The following REST variants were observed in gnomAD, a reference collection of about 807,000 sequenced individuals.
REST encodes RE1-silencing transcription factor.
REST carries 1 observed loss-of-function variant against 30.4 expected under a neutral mutation model. That is an observed-to-expected ratio of 0.03 (90% CI 0.01 to 0.16). REST has a LOEUF of 0.16. Ranked by LOEUF, REST falls within the 10% of genes least tolerant of loss-of-function variation. The pLI, the probability that REST is intolerant of heterozygous loss-of-function variation, is 1.00. For missense variants in REST, 1,259 were observed against 1,329.5 expected, an observed-to-expected ratio of 0.95 and a Z score of 0.82; for synonymous variants, 504 against 451.1, an observed-to-expected ratio of 1.12 and a Z score of -1.49.
chr4:56,916,707 TG>T (rs970510736), intron 2 of REST, among the ~76,000 whole-genome samples: 56 of 152,302 alleles, frequency 3.7e-4, no homozygotes, highest in Admixed American at 3.2e-3. Flanking sequence ...TTATCTGCAG[TG>T]GTATTTAATT....
At position 56,929,870 on chromosome 4, in the gene REST, A is replaced by G; in HGVS notation, c.1012A>G (p.Ser338Gly). 1.2e-6 allele frequency: 2 copies of G among 1,613,880 alleles called. No homozygotes were observed. The highest frequency in any genetic ancestry group is 8.5e-7 in the Non-Finnish European group (1 of 1,179,918). ...GEKPFKCDQC[S>G]YVASNQHEVT... is the part of the protein sequence containing the mutation. ...GAAGCCATTTAAATGTGATCAGTGCAGTTATGTGGCCTCTAATCAACATGA... is the reference window on the plus strand; with the variant it reads ...GAAGCCATTTAAATGTGATCAGTGCGGTTATGTGGCCTCTAATCAACATGA... Residue 338 changes from serine (S) to glycine (G), a missense_variant, in exon 4 of 4, where the codon AGT becomes GGT. Physicochemically the swap from Ser to Gly is moderately conservative, Grantham distance 56. Around this residue, in one of 5 missense-constraint regions of REST, gnomAD observed 125 missense variants for 255.4 expected, o/e 0.49. Transcript: ENST00000309042.
rs1456092970 is a variant in REST, at chr4:56,911,384, A to G, written c.746A>G (p.Lys249Arg). The change falls in exon 2 of 4, where the codon AAG (lysine) becomes AGG (arginine). Residue 249 changes from lysine to arginine, a missense_variant. Around this residue, in one of 5 missense-constraint regions of REST, gnomAD observed 125 missense variants for 255.4 expected, o/e 0.49. Transcript: ENST00000309042. ...GCTGGGGATAATGAGCGAGTCTACAAGTGTATCATTTGCACATACACAACA... is the reference window on the plus strand; with the variant it reads ...GCTGGGGATAATGAGCGAGTCTACAGGTGTATCATTTGCACATACACAACA... ...TRAGDNERVY[K>R]CIICTYTTVS... 2 of 1,614,228 alleles carry G rather than the reference A, an allele frequency of 1.2e-6. No homozygotes were observed. Among genetic ancestry groups the G allele is most frequent in the East Asian group, 2.2e-5 (1 of 44,886 alleles).
At chr4:56,922,901 A>G (rs1720520439) in intron 3 of REST, among the ~76,000 whole-genome samples, 1 of 152,246 alleles carries the variant, frequency 6.6e-6, no homozygotes, top group African/African-American at 2.4e-5. Context: ...CCATTAATAT[A>G]ATGTTAGGTC....
At position 56,911,340 on chromosome 4, in the gene REST, C is replaced by T; in HGVS notation, c.702C>T (p.His234=). Residue 234 remains histidine, a synonymous_variant, in exon 2 of 4, where the codon CAC becomes CAT. Transcript: ENST00000309042. ...ATCGATATGATCACTATACAGCACA[C>T]CTGAAACACCACACCAGAGCTGGGG... The part of the protein sequence containing the change: ...NTNRYDHYTA[H]LKHHTRAGDN... 6.2e-7 allele frequency: 1 copy of T among 1,614,166 alleles called. No individual in the cohort carries two copies. The highest frequency in any genetic ancestry group is 8.5e-7 in the Non-Finnish European group (1 of 1,180,034).
chr4:56,931,318 A>G lies in REST; in HGVS notation c.2460A>G (p.Lys820=). The G allele has an allele frequency of 6.2e-7, 1 of 1,614,120 alleles. No homozygotes were observed. The highest frequency in any genetic ancestry group is 2.2e-5 in the East Asian group (1 of 44,904). ...AAAAGCCTCCTCTCCGAAAAGATAA[A>G]AAGGAAAAGTCTAACATGCAGAGTG... ...ISKKPPLRKD[K]KEKSNMQSER... is the part of the protein sequence containing the mutation. Residue 820 remains lysine (K), a synonymous_variant, in exon 4 of 4, where the codon AAA becomes AAG. Coordinates refer to ENST00000309042, the MANE Select transcript of REST (RefSeq NM_005612.5).
chr4:56,912,114 C>T (rs1417883603), intron 2 of REST, among the ~76,000 whole-genome samples: 6 of 152,180 alleles, frequency 3.9e-5, no homozygotes, highest in African/African-American at 1.4e-4. Context: ...AAGCCTCAAA[C>T]TTTAAAACAT....
chr4:56,911,720 T>G (rs2109525864), intron 2 of REST, 184 bp downstream of exon 2: 1 of 596,100 alleles, frequency 1.7e-6, no homozygotes, highest in East Asian at 2.8e-5. Context: ...AGTAACAATA[T>G]CTAGGTTGGG....
intron 3 of REST, chr4:56,927,717 G>C (rs1466790162): frequency 1.1e-6 from 1 of 889,906 alleles, no homozygotes; most frequent in Non-Finnish European, 1.5e-6. Flanking sequence ...TGGGGGTGGG[G>C]GTTCTGGTTT....
intron 3 of REST, among the ~76,000 whole-genome samples, chr4:56,927,227 G>A (rs1720753500): frequency 6.6e-6 from 1 of 152,150 alleles, no homozygotes; most frequent in South Asian, 2.1e-4. Flanking sequence ...GAAGTTCTTA[G>A]GCCTTATGCT....
intron 2 of REST, among the ~76,000 whole-genome samples, chr4:56,917,670 T>C (rs1720262583): frequency 6.6e-6 from 1 of 152,360 alleles, no homozygotes; most frequent in African/African-American, 2.4e-5. Context: ...CTTTTACAGA[T>C]GGGGAAACGG....
chr4:56,914,921 AC>A, intron 2 of REST, among the ~76,000 whole-genome samples: 3 of 67,188 alleles, frequency 4.5e-5, no homozygotes, highest in African/African-American at 1.2e-4. Context: ...TTTTTTTTTA[AC>A]TTTTTTTTTT....
chr4:56,910,928 C>G lies in REST; in HGVS notation c.290C>G (p.Ala97Gly), dbSNP rs761757985. The change falls in exon 2 of 4, where the codon GCT becomes GGT. Residue 97 changes from alanine to glycine, a missense_variant. Physicochemically the swap from Ala to Gly is moderately conservative, Grantham distance 60 (BLOSUM62 0). Around this residue, in one of 5 missense-constraint regions of REST, gnomAD observed 249 missense variants for 251.5 expected, o/e 0.99. Coordinates refer to ENST00000309042, the MANE Select transcript of REST (RefSeq NM_005612.5). ...SEEGEGLEES[A>G]DIKGEPHGLE... Reference sequence around the variant, plus strand: ...GAAGGAGAAGGACTTGAAGAGTCTGCTGATATAAAAGGTGAACCTCATGGA... The same window carrying G: ...GAAGGAGAAGGACTTGAAGAGTCTGGTGATATAAAAGGTGAACCTCATGGA... 6.2e-7 allele frequency: 1 copy of G among 1,614,144 alleles called. No individual in the cohort carries two copies. Among genetic ancestry groups the G allele is most frequent in the South Asian group, 1.1e-5 (1 of 91,086 alleles).
Position 56,911,372 on chromosome 4 carries a change from A to G in REST, c.734A>G (p.Glu245Gly). 6.2e-7 allele frequency: 1 copy of G among 1,614,222 alleles called. No individual in the cohort carries two copies. The change falls in exon 2 of 4, where the codon GAG becomes GGG. Residue 245 changes from glutamate (E) to glycine (G), a missense_variant. This residue lies in a region of REST where 125 missense variants were observed against 255.4 expected (regional missense o/e 0.49). Coordinates refer to ENST00000309042, the MANE Select transcript of REST (RefSeq NM_005612.5). ...CACCACACCAGAGCTGGGGATAATG[A>G]GCGAGTCTACAAGTGTATCATTTGC... ...LKHHTRAGDN[E>G]RVYKCIICTY... is the part of the protein sequence containing the mutation.
At chr4:56,921,632 A>G (rs1720457950) in intron 3 of REST, among the ~76,000 whole-genome samples, 1 of 151,850 alleles carries the variant, frequency 6.6e-6, no homozygotes, top group Non-Finnish European at 1.5e-5. Context: ...TTGGTCTCGA[A>G]CTCCTGGCCT....
intron 3 of REST, among the ~76,000 whole-genome samples, chr4:56,928,780 G>T (rs1720822938): frequency 6.6e-6 from 1 of 151,404 alleles, no homozygotes; most frequent in Non-Finnish European, 1.5e-5. Context: ...GTAGAGATGG[G>T]GTTTTACTAT....
intron 2 of REST, 34 bp downstream of exon 2, chr4:56,911,570 C>T (rs771204942): frequency 1.5e-5 from 23 of 1,543,640 alleles, no homozygotes; most frequent in Non-Finnish European, 1.9e-5. Context: ...AAGTTCAGTT[C>T]TCTTTTCTGA....
At position 56,932,337 on chromosome 4, in the gene REST, C is replaced by A; in HGVS notation, c.*185C>A. On this transcript the variant is annotated 3_prime_UTR_variant, in exon 4 of 4. Transcript: ENST00000309042. ...GATTGTTGTGTAAATTTTAGTAAATCTAAGAGAGTGTACTAAACCAGCAGG... is the reference window on the plus strand; with the variant it reads ...GATTGTTGTGTAAATTTTAGTAAATATAAGAGAGTGTACTAAACCAGCAGG... 1 of 625,840 alleles carries A rather than the reference C, an allele frequency of 1.6e-6. No homozygotes were observed. Among genetic ancestry groups the A allele is most frequent in the Non-Finnish European group, 2.7e-6 (1 of 376,792 alleles). The allele number at this position is 625,840 out of a possible 1,614,324, so 38.8% of individuals were successfully genotyped here. A position where few individuals can be genotyped will look rare whatever the true frequency, so the allele number is the denominator to read the frequency against.
intron 2 of REST, among the ~76,000 whole-genome samples, chr4:56,918,857 G>A (rs1720320059): frequency 6.6e-6 from 1 of 151,974 alleles, no homozygotes; most frequent in Non-Finnish European, 1.5e-5. Flanking sequence ...TTTTTGTAGA[G>A]AGGAGGTCTT....
At chr4:56,918,406 A>G (rs1340176479) in intron 2 of REST, among the ~76,000 whole-genome samples, 1 of 151,648 alleles carries the variant, frequency 6.6e-6, no homozygotes, top group African/African-American at 2.4e-5. Context: ...AAGTGGGAGG[A>G]TCTGTTGAGC....
Sources: gnomAD v4.1 joint callset for allele counts (sites outside exome capture counted in the v4.1 genomes callset) on GRCh38, gnomAD v4.1.1 for gene constraint, gnomAD v4.1.1 regional missense constraint, MANE v1.5 for transcripts, NCBI Gene and HGNC (gene_info 2026-07-23, HGNC 2026-07-21) for gene names.